The following ATP9B variants were observed in gnomAD, a reference collection of about 807,000 sequenced individuals.
The protein encoded by ATP9B is ATPase phospholipid transporting 9B, also known as probable phospholipid-transporting ATPase IIB.
Under a neutral mutation model 146.1 loss-of-function variants are expected in ATP9B, and 110 were observed. The ratio of observed to expected loss-of-function variants is 0.75; its 90% CI spans 0.65 to 0.88. The LOEUF is 0.88. Among genes scored for constraint, ATP9B ranks in the 40% least tolerant of loss-of-function variants. The pLI is 0.00. For missense variants in ATP9B, 1,499 were observed against 1,496.4 expected, an observed-to-expected ratio of 1.00 and a Z score of -0.03; for synonymous variants, 604 against 569.7, an observed-to-expected ratio of 1.06 and a Z score of -0.86.
intron 11 of ATP9B, among the ~76,000 whole-genome samples, chr18:79,238,778 T>C (rs115980842): frequency 0.015 from 2,293 of 152,192 alleles, 63 homozygotes; most frequent in African/African-American, 0.053. Context: ...TGGTGATCTG[T>C]GGTGATCATG....
At chr18:79,247,730 TC>T in intron 11 of ATP9B, among the ~76,000 whole-genome samples, 1 of 152,326 alleles carries the variant, frequency 6.6e-6, no homozygotes, top group East Asian at 1.9e-4. Flanking sequence ...AGTAGCTGAT[TC>T]TTGCATTAAT....
At chr18:79,293,754 A>G (rs2096528043) in intron 13 of ATP9B, among the ~76,000 whole-genome samples, 1 of 152,256 alleles carries the variant, frequency 6.6e-6, no homozygotes, top group Non-Finnish European at 1.5e-5. Context: ...ACTGAATAAG[A>G]CTTTTGGTAT....
chr18:79,348,119 G>T lies in ATP9B; in HGVS notation c.2839-13G>T, dbSNP rs1568780893. ...AACTGACAGTTGTCTTCGTCTGTGG[G>T]CTCTCTCTCCAGGCTGTGTTTTCCT... On this transcript the variant is annotated splice_polypyrimidine_tract_variant and intron_variant, in intron 24 of 29. Coordinates refer to ENST00000426216, the MANE Select transcript of ATP9B (RefSeq NM_198531.5). 6.2e-7 allele frequency: 1 copy of T among 1,613,820 alleles called. No individual in the cohort carries two copies. Among genetic ancestry groups the T allele is most frequent in the Admixed American group, 1.7e-5 (1 of 59,994 alleles).
chr18:79,267,350 C>A (rs992591347), intron 12 of ATP9B, among the ~76,000 whole-genome samples: 2 of 151,794 alleles, frequency 1.3e-5, no homozygotes, highest in African/African-American at 4.8e-5. Context: ...GCTTTCATTT[C>A]TTATGGAAAT....
intron 11 of ATP9B, among the ~76,000 whole-genome samples, chr18:79,215,767 G>A (rs2095621944): frequency 6.6e-6 from 1 of 151,904 alleles, no homozygotes. Flanking sequence ...TTGGCTCACT[G>A]CAGCCTCCAG....
At chr18:79,191,911 G>A (rs916425297) in intron 8 of ATP9B, among the ~76,000 whole-genome samples, 2 of 152,152 alleles carry the variant, frequency 1.3e-5, no homozygotes, top group African/African-American at 4.8e-5. Context: ...TAGAGAGGCA[G>A]GATTCAGGAT....
chr18:79,133,615 T>A (rs1386703732), intron 5 of ATP9B, among the ~76,000 whole-genome samples: 1 of 151,850 alleles, frequency 6.6e-6, no homozygotes, highest in East Asian at 1.9e-4. Context: ...ACACACACAC[T>A]CAAGTAGATA....
intron 12 of ATP9B, among the ~76,000 whole-genome samples, chr18:79,271,979 CTGA>C: frequency 6.6e-6 from 1 of 152,328 alleles, no homozygotes; most frequent in Non-Finnish European, 1.5e-5. Context: ...TTGCATTTCT[CTGA>C]TGACCAGTGA....
chr18:79,091,298 GT>G (rs2074297219), intron 1 of ATP9B, among the ~76,000 whole-genome samples: 1 of 152,000 alleles, frequency 6.6e-6, no homozygotes, highest in Non-Finnish European at 1.5e-5. Flanking sequence ...TTTTCAGATT[GT>G]TTTTTCTATT....
chr18:79,169,065 CTT>C (rs1405012332), intron 7 of ATP9B, among the ~76,000 whole-genome samples: 1 of 152,108 alleles, frequency 6.6e-6, no homozygotes, highest in Non-Finnish European at 1.5e-5. Context: ...GTTGAGGAGA[CTT>C]TGAGAAGACC....
chr18:79,092,534 G>A (rs1228855754), intron 1 of ATP9B, among the ~76,000 whole-genome samples: 2 of 149,696 alleles, frequency 1.3e-5, no homozygotes, highest in Admixed American at 6.6e-5. Context: ...TTGTAATAAC[G>A]CTTAGTTTAA....
At chr18:79,190,325 G>C (rs1314042024) in intron 8 of ATP9B, among the ~76,000 whole-genome samples, 1 of 151,982 alleles carries the variant, frequency 6.6e-6, no homozygotes, top group Middle Eastern at 3.2e-3. Flanking sequence ...TAGGGTATGT[G>C]GTGTATCTTC....
chr18:79,096,339 C>T, intron 1 of ATP9B, 137 bp from the exon 2 acceptor site: 1 of 772,168 alleles, frequency 1.3e-6, no homozygotes, highest in Non-Finnish European at 2.0e-6. Flanking sequence ...CAAAAGAAAG[C>T]AGCCTCTGCA....
intron 5 of ATP9B, among the ~76,000 whole-genome samples, chr18:79,133,838 G>A (rs554148062): frequency 3.9e-5 from 6 of 152,326 alleles, no homozygotes; most frequent in African/African-American, 1.2e-4. Context: ...CCTTTGAACA[G>A]CCCTTAGCTG....
At chr18:79,084,510 A>G (rs1350458047) in intron 1 of ATP9B, among the ~76,000 whole-genome samples, 1 of 152,028 alleles carries the variant, frequency 6.6e-6, no homozygotes, top group Non-Finnish European at 1.5e-5. Context: ...AACTTTGGGA[A>G]GTGTGTGCTA....
chr18:79,260,092 G>A (rs1010906281), intron 12 of ATP9B, among the ~76,000 whole-genome samples: 1 of 152,168 alleles, frequency 6.6e-6, no homozygotes, highest in African/African-American at 2.4e-5. Flanking sequence ...AGGGGCAGGT[G>A]TTAGTCCGTT....
chr18:79,280,085 A>G (rs748766604), intron 13 of ATP9B, among the ~76,000 whole-genome samples: 3 of 152,272 alleles, frequency 2.0e-5, no homozygotes, highest in Non-Finnish European at 4.4e-5. Context: ...GTAACATAAA[A>G]AAGTTTATCA....
chr18:79,307,362 C>A, intron 15 of ATP9B, 128 bp downstream of exon 15: 1 of 1,390,890 alleles, frequency 7.2e-7, no homozygotes, highest in Non-Finnish European at 9.6e-7. Context: ...TATGTTTTAG[C>A]TGTATGTGGA....
chr18:79,238,254 T>C (rs2095859704), intron 11 of ATP9B, among the ~76,000 whole-genome samples: 1 of 151,834 alleles, frequency 6.6e-6, no homozygotes, highest in Admixed American at 6.5e-5. Context: ...TTTTTTTTTT[T>C]GAATGAGAAC....
Sources: gnomAD v4.1 joint callset for allele counts (sites outside exome capture counted in the v4.1 genomes callset) on GRCh38, gnomAD v4.1.1 for gene constraint, MANE v1.5 for transcripts, NCBI Gene and HGNC (gene_info 2026-07-23, HGNC 2026-07-21) for gene names.